The following DPYSL3 variants were observed in gnomAD, a reference collection of about 807,000 sequenced individuals.
The protein encoded by DPYSL3 is dihydropyrimidinase-related protein 3.
In DPYSL3, 16 loss-of-function variants were observed where a neutral mutation model predicts 66.1. The observed-to-expected ratio is 0.24, with a 90% CI of 0.16 to 0.37. The LOEUF (loss-of-function observed/expected upper bound fraction) is 0.37, where lower values mean the gene tolerates loss of function less well. Ranked by LOEUF, DPYSL3 falls within the 10% of genes least tolerant of loss-of-function variation. The pLI is 1.00. For synonymous variants in DPYSL3, 338 were observed against 345.1 expected (o/e 0.98, Z 0.23); for missense variants, 738 against 916.2 (o/e 0.81, Z 2.51).
At chr5:147,430,941 T>C (rs1335374863) in intron 1 of DPYSL3, among the ~76,000 whole-genome samples, 3 of 152,096 alleles carry the variant, frequency 2.0e-5, no homozygotes, top group African/African-American at 7.2e-5. Context: ...AAAGAGGATA[T>C]AAAATGAAGG....
At chr5:147,462,795 T>C (rs1752953098) in intron 1 of DPYSL3, among the ~76,000 whole-genome samples, 1 of 152,104 alleles carries the variant, frequency 6.6e-6, no homozygotes, top group Non-Finnish European at 1.5e-5. Context: ...TTATTGGAGG[T>C]ATTTGTGGGA....
intron 1 of DPYSL3, among the ~76,000 whole-genome samples, chr5:147,436,048 A>T (rs1752409926): frequency 6.6e-6 from 1 of 152,172 alleles, no homozygotes. Flanking sequence ...GATAGGAAGG[A>T]ATCAGGGGAA....
intron 1 of DPYSL3, among the ~76,000 whole-genome samples, chr5:147,470,626 G>T (rs1561799072): frequency 6.6e-6 from 1 of 152,044 alleles, no homozygotes; most frequent in Non-Finnish European, 1.5e-5. Context: ...CTTGACCTCT[G>T]CTCATCTCTG....
intron 3 of DPYSL3, among the ~76,000 whole-genome samples, chr5:147,416,830 AG>A (rs1263922775): frequency 2.0e-5 from 3 of 152,230 alleles, no homozygotes; most frequent in Non-Finnish European, 4.4e-5. Flanking sequence ...TTAACAATAG[AG>A]AAGTTAGGTT....
chr5:147,402,200 A>T (rs1321791119), intron 8 of DPYSL3, among the ~76,000 whole-genome samples: 1 of 152,154 alleles, frequency 6.6e-6, no homozygotes, highest in African/African-American at 2.4e-5. Context: ...CGCTTTCTTT[A>T]CCTGTTATGC....
At chr5:147,504,712 C>T (rs1201460976) in intron 1 of DPYSL3, among the ~76,000 whole-genome samples, 1 of 152,192 alleles carries the variant, frequency 6.6e-6, no homozygotes. Flanking sequence ...CTAGATTGTT[C>T]CCTCTGCACC....
rs1338368120 is a variant in DPYSL3, at chr5:147,400,930, A to G, written c.1311-97T>C. ...GTTTACTGTGAGGGTTTGCACTCTG[A>G]CTATTTGGGTTTGGAATGCCTCCTC... On this transcript the variant is annotated intron_variant, in intron 9 of 13. Coordinates refer to ENST00000343218, the MANE Select transcript of DPYSL3 (RefSeq NM_001197294.2). 3 of 1,465,310 alleles carry G rather than the reference A, an allele frequency of 2.0e-6. No individual in the cohort carries two copies. The East Asian group carries it at 7.2e-5, about 35-fold the overall frequency. 90.8% of individuals were successfully genotyped at this position (1,465,310 alleles called of 1,614,324 possible). A position where few individuals can be genotyped will look rare whatever the true frequency, so the allele number is the denominator to read the frequency against.
chr5:147,444,035 C>T (rs1752585200), intron 1 of DPYSL3, among the ~76,000 whole-genome samples: 1 of 152,124 alleles, frequency 6.6e-6, no homozygotes, highest in African/African-American at 2.4e-5. Context: ...TTATAGGAAA[C>T]AGGTGCAGAG....
Position 147,453,734 on chromosome 5 carries a change from C to G in DPYSL3, c.382-28771G>C, listed in dbSNP as rs868662576. 254 of 1,314,674 alleles carry G rather than the reference C, an allele frequency of 1.9e-4. 1 individual carries two copies. Among genetic ancestry groups the G allele is most frequent in the African/African-American group, 1.7e-3 (112 of 64,956 alleles). 81.4% of individuals were successfully genotyped at this position (1,314,674 alleles called of 1,614,324 possible). ...CGCCGCCTCCGCCCGCCTCCGCCCC[C>G]CTCCCGGGCTCCCGCGGCGGCTGCC... On this transcript the variant is annotated intron_variant, in intron 1 of 13. Coordinates refer to ENST00000343218, the MANE Select transcript of DPYSL3 (RefSeq NM_001197294.2).
chr5:147,405,313 A>G (rs1286734737), intron 8 of DPYSL3, among the ~76,000 whole-genome samples: 2 of 152,350 alleles, frequency 1.3e-5, no homozygotes, highest in East Asian at 3.9e-4. Context: ...AACTCAGACA[A>G]GGTGAACTGA....
intron 8 of DPYSL3, among the ~76,000 whole-genome samples, chr5:147,402,560 G>A (rs1758222921): frequency 7.2e-6 from 1 of 138,218 alleles, no homozygotes; most frequent in Non-Finnish European, 1.5e-5. Flanking sequence ...TGTTAGCCAG[G>A]ATGGTCTTGA....
intron 1 of DPYSL3, among the ~76,000 whole-genome samples, chr5:147,453,172 G>T (rs1021220441): frequency 6.6e-6 from 1 of 152,118 alleles, no homozygotes; most frequent in South Asian, 2.1e-4. Context: ...ACGGCCAAAA[G>T]GATCCTTAGA....
rs1407209172 is a variant in DPYSL3 at position 147,509,577 on chromosome 5, C to G, written c.282G>C (p.Glu94Asp). 7 of 1,535,394 alleles carry G rather than the reference C, an allele frequency of 4.6e-6. No homozygotes were observed. The East Asian group carries it at 1.2e-4, about 27-fold the overall frequency. The stretch of plus-strand genomic sequence containing the variant: ...GGGAGGCGGGCGCGGGCTCCCTGCT[C>G]TCTTCCCGGCCTTGGCCCCTGCGCG... ...DTPRRGQGREESREPAPASPA... is the reference protein window; with the variant it reads ...DTPRRGQGREDSREPAPASPA... Residue 94 changes from glutamate to aspartate, a missense_variant, in exon 1 of 14, where the codon GAG becomes GAC. Coordinates refer to ENST00000343218, the MANE Select transcript of DPYSL3 (RefSeq NM_001197294.2). This position sits in a 1 kb window ranked among gnomAD's most constrained non-coding sequence, Gnocchi z 5.3.
chr5:147,500,331 C>T (rs888024208), intron 1 of DPYSL3, among the ~76,000 whole-genome samples: 3 of 151,934 alleles, frequency 2.0e-5, no homozygotes, highest in African/African-American at 7.2e-5. Context: ...TCAATGATAA[C>T]GGCCAGGTGC....
In DPYSL3 at chr5:147,505,240, CG is replaced by C. The variant is rs562180350; in HGVS notation, c.381+4237del. On this transcript the variant is annotated intron_variant, in intron 1 of 13. Transcript: ENST00000343218. ...AAACCTGGAATTTGACACTCAGAGA[CG>C]TTTTTTTTTTTGAGACGGAGTCTCA... 1.9e-4 allele frequency among the ~76,000 whole-genome samples: 29 copies of C among 151,892 alleles called. No individual in the cohort carries two copies. The South Asian group carries it at 2.1e-3, about 11-fold the overall frequency.
At chr5:147,436,365 G>A (rs1752414684) in intron 1 of DPYSL3, among the ~76,000 whole-genome samples, 1 of 152,162 alleles carries the variant, frequency 6.6e-6, no homozygotes, top group South Asian at 2.1e-4. Flanking sequence ...AAATAAGTAA[G>A]TTCTGGAGCA....
intron 2 of DPYSL3, 58 bp downstream of exon 2, chr5:147,424,817 G>A (rs991581839): frequency 2.4e-6 from 3 of 1,263,028 alleles, no homozygotes; most frequent in Non-Finnish European, 3.4e-6. Flanking sequence ...CCTCCTTTAT[G>A]AGCCATTAAT....
intron 1 of DPYSL3, among the ~76,000 whole-genome samples, chr5:147,506,651 C>A (rs1753688269): frequency 6.6e-6 from 1 of 152,018 alleles, no homozygotes; most frequent in Non-Finnish European, 1.5e-5. Context: ...GAGATAATTG[C>A]CCTCATACAT....
chr5:147,427,544 T>G (rs1752219829), intron 1 of DPYSL3, among the ~76,000 whole-genome samples: 1 of 152,198 alleles, frequency 6.6e-6, no homozygotes, highest in South Asian at 2.1e-4. Flanking sequence ...TTAACAGTAC[T>G]GCAAAATTAT....
Sources: gnomAD v4.1 joint callset for allele counts (sites outside exome capture counted in the v4.1 genomes callset) on GRCh38, gnomAD v4.1.1 for gene constraint, Gnocchi (gnomAD v3.1) non-coding constraint, MANE v1.5 for transcripts, NCBI Gene and HGNC (gene_info 2026-07-23, HGNC 2026-07-21) for gene names.